DIP2B: variants seen among roughly 807,000 people sequenced by gnomAD.
DIP2B encodes the protein disco-interacting protein 2 homolog B.
A neutral mutation model predicts 198.0 loss-of-function variants in DIP2B; 76 were observed. That is an observed-to-expected ratio of 0.38 (90% CI 0.32 to 0.46). DIP2B has a LOEUF of 0.46. DIP2B is among the 20% of genes least tolerant of loss of function. The pLI, the probability that DIP2B is intolerant of heterozygous loss-of-function variation, is 0.99. For synonymous variants in DIP2B, 701 were observed against 739.1 expected, an observed-to-expected ratio of 0.95 and a Z score of 0.84; for missense variants, 1,559 against 1,978.4, an observed-to-expected ratio of 0.79 and a Z score of 4.02.
intron 22 of DIP2B, among the ~76,000 whole-genome samples, chr12:50,713,456 GA>G (rs1939656161): frequency 6.6e-6 from 1 of 152,166 alleles, no homozygotes; most frequent in Non-Finnish European, 1.5e-5. Context: ...TACATTATGT[GA>G]AAACAACAAG....
rs372175971 is a variant in DIP2B at position 50,748,382 on chromosome 12, G to A, written c.*3543G>A. On this transcript the variant is annotated 3_prime_UTR_variant, in exon 38 of 38. Transcript: ENST00000301180. ...CATTCATACGACATTTCTGGTTTAGGTGTATGTAGTTGGGCCATGTTACTT... is the reference window on the plus strand; with the variant it reads ...CATTCATACGACATTTCTGGTTTAGATGTATGTAGTTGGGCCATGTTACTT... 1.3e-5 allele frequency: 2 copies of A among 152,604 alleles called. No homozygotes were observed. Among genetic ancestry groups the A allele is most frequent in the Admixed American group, 6.5e-5 (1 of 15,284 alleles). The allele number at this position is 152,604 out of a possible 1,614,324, so 9.5% of individuals were successfully genotyped here. A position where few individuals can be genotyped will look rare whatever the true frequency, so the allele number is the denominator to read the frequency against.
At chr12:50,510,611 T>A (rs2139338167) in intron 1 of DIP2B, among the ~76,000 whole-genome samples, 1 of 152,310 alleles carries the variant, frequency 6.6e-6, no homozygotes, top group South Asian at 2.1e-4. Flanking sequence ...TATGCACAGT[T>A]TCTCGCAAAT....
At chr12:50,659,569 T>C (rs572535251) in intron 3 of DIP2B, among the ~76,000 whole-genome samples, 1 of 151,856 alleles carries the variant, frequency 6.6e-6, no homozygotes, top group Admixed American at 6.6e-5. Flanking sequence ...GGGTAGAAAA[T>C]GAAGAGTTTT....
At chr12:50,695,226 T>C in intron 14 of DIP2B, 41 bp from the exon 15 acceptor site, 1 of 1,517,166 alleles carries the variant, frequency 6.6e-7, no homozygotes, top group Middle Eastern at 1.7e-4. Context: ...ACTAAGTATG[T>C]ATTTTGTATT....
In DIP2B at chr12:50,734,151, A is replaced by ATG. The variant is rs1227404649; in HGVS notation, c.3999_4000insGT (p.Pro1334ValfsTer9). On this transcript the variant is annotated frameshift_variant, in exon 33 of 38. Transcript: ENST00000301180. LOFTEE classifies it high-confidence loss of function. ...TTTCTTTAGGGAACCTCAGGGCCTG[A>ATG]TCCGACTACTGTGTATGTGGATCTG... is the stretch of plus-strand genomic sequence containing the variant. 6.2e-7 allele frequency: 1 copy of ATG among 1,614,214 alleles called. No individual in the cohort carries two copies. The highest frequency in any genetic ancestry group is 8.5e-7 in the Non-Finnish European group (1 of 1,180,030).
chr12:50,630,649 G>A (rs936122701), intron 2 of DIP2B, among the ~76,000 whole-genome samples: 13 of 144,092 alleles, frequency 9.0e-5, no homozygotes, highest in Middle Eastern at 3.4e-3. Context: ...TGATCACCAC[G>A]AATTCTTTCT....
chr12:50,628,397 A>G (rs1049514775), intron 2 of DIP2B, among the ~76,000 whole-genome samples: 6 of 152,120 alleles, frequency 3.9e-5, no homozygotes, highest in Admixed American at 2.0e-4. Context: ...ATAAATAAAA[A>G]TATAAAAAGC....
chr12:50,697,757 C>G (rs1049710784), intron 17 of DIP2B, among the ~76,000 whole-genome samples: 1 of 151,698 alleles, frequency 6.6e-6, no homozygotes, highest in Non-Finnish European at 1.5e-5. Context: ...TCTCGAATTA[C>G]TGGCTTTGAG....
intron 24 of DIP2B, 39 bp downstream of exon 24, chr12:50,718,857 C>G (rs1939781838): frequency 6.2e-7 from 1 of 1,611,704 alleles, no homozygotes; most frequent in African/African-American, 1.3e-5. Flanking sequence ...ACAGTCAAGT[C>G]AAGGACAGAA....
At chr12:50,664,681 G>A (rs1938714348) in intron 4 of DIP2B, among the ~76,000 whole-genome samples, 1 of 151,962 alleles carries the variant, frequency 6.6e-6, no homozygotes, top group East Asian at 1.9e-4. Flanking sequence ...GTGCACAGAT[G>A]ACCAAATAGA....
chr12:50,709,781 A>G lies in DIP2B; in HGVS notation c.2649+1219A>G, dbSNP rs1005453831. 9.2e-5 allele frequency among the ~76,000 whole-genome samples: 14 copies of G among 152,228 alleles called. No individual in the cohort carries two copies. The East Asian group carries it at 2.5e-3, about 27-fold the overall frequency. ...ATGCCACTACAGTTCAGCCTGGGTG[A>G]CAGAGGAAGACCCTGGCTCAAAATA... On this transcript the variant is annotated intron_variant, in intron 22 of 37. Coordinates refer to ENST00000301180, the MANE Select transcript of DIP2B (RefSeq NM_173602.3).
At chr12:50,593,713 CTCCT>C (rs1252091621) in intron 1 of DIP2B, among the ~76,000 whole-genome samples, 6 of 3,390 alleles carry the variant, frequency 1.8e-3, no homozygotes, top group African/African-American at 8.6e-3. Context: ...CTCCCCTCCT[CTCCT>C]CTCCTCTCCT....
intron 3 of DIP2B, among the ~76,000 whole-genome samples, chr12:50,659,661 T>C (rs1398877654): frequency 6.6e-6 from 1 of 152,170 alleles, no homozygotes; most frequent in Non-Finnish European, 1.5e-5. Flanking sequence ...TGGCAAACAA[T>C]TAACATCTGC....
chr12:50,704,247 G>A lies in DIP2B; in HGVS notation c.2406+27G>A, dbSNP rs1328722290. 3.1e-6 allele frequency: 5 copies of A among 1,600,298 alleles called. No individual in the cohort carries two copies. The South Asian group carries it at 4.5e-5, about 15-fold the overall frequency. ...TAAGTGATGCTTTCATGTTGATTTT[G>A]TTACATTTGATCCAAATATTTGGAC... On this transcript the variant is annotated intron_variant, in intron 20 of 37. Coordinates refer to ENST00000301180, the MANE Select transcript of DIP2B (RefSeq NM_173602.3).
chr12:50,699,864 AACACACACACAC>A (rs56369651), intron 19 of DIP2B, among the ~76,000 whole-genome samples: 2 of 145,996 alleles, frequency 1.4e-5, no homozygotes, highest in Non-Finnish European at 3.0e-5. Flanking sequence ...CCCTGTCTCA[AACACACACACAC>A]ACACACACAC....
rs1170011293 is a variant in DIP2B at position 50,608,609 on chromosome 12, T to C, written c.101-17367T>C. On this transcript the variant is annotated intron_variant, in intron 1 of 37. Transcript: ENST00000301180. Reference sequence around the variant, plus strand: ...CCACTACACTTCACCCTGGGTGACATAGCAAGACTCAGTCTCAAAAAAAAA... The same window carrying C: ...CCACTACACTTCACCCTGGGTGACACAGCAAGACTCAGTCTCAAAAAAAAA... Among the ~76,000 whole-genome samples, 3 of 132,980 alleles carry C rather than the reference T, an allele frequency of 2.3e-5. No individual in the cohort carries two copies. The South Asian group carries it at 6.9e-4, about 30-fold the overall frequency. 87.2% of individuals were successfully genotyped at this position (132,980 alleles called of 152,430 possible). A position where few individuals can be genotyped will look rare whatever the true frequency, so the allele number is the denominator to read the frequency against.
At chr12:50,686,429 C>T in intron 11 of DIP2B, 144 bp from the exon 12 acceptor site, 1 of 690,378 alleles carries the variant, frequency 1.4e-6, no homozygotes, top group Non-Finnish European at 2.4e-6. Context: ...GGTGATTTGC[C>T]ACTAAAAACT....
intron 17 of DIP2B, 96 bp downstream of exon 17, chr12:50,697,271 T>G: frequency 9.0e-7 from 1 of 1,105,994 alleles, no homozygotes; most frequent in Non-Finnish European, 1.3e-6. Flanking sequence ...GTTAACTAAT[T>G]TTCTAAGCAG....
intron 1 of DIP2B, among the ~76,000 whole-genome samples, chr12:50,580,524 T>TA (rs1958715365): frequency 7.2e-6 from 1 of 138,786 alleles, no homozygotes; most frequent in Non-Finnish European, 1.5e-5. Flanking sequence ...ACTTTATCCT[T>TA]TCTTTTCTTT....
Sources: allele counts gnomAD v4.1 joint callset (sites outside exome capture counted in the v4.1 genomes callset), GRCh38; gene constraint gnomAD v4.1.1; transcripts MANE v1.5; gene names NCBI Gene and HGNC (gene_info 2026-07-23, HGNC 2026-07-21).